KIAA0753: variants seen among roughly 807,000 people sequenced by gnomAD.
The protein encoded by KIAA0753 is KIAA0753, also known as protein moonraker.
KIAA0753 carries 114 observed loss-of-function variants against 116.9 expected under a neutral mutation model. That is an observed-to-expected ratio of 0.98 (90% CI 0.84 to 1.14). The LOEUF (loss-of-function observed/expected upper bound fraction) is 1.14, where lower values mean the gene tolerates loss of function less well. KIAA0753 is among the 50% of genes most tolerant of loss of function. KIAA0753 has a pLI of 0.00. For synonymous variants in KIAA0753, 405 were observed against 413.1 expected, an observed-to-expected ratio of 0.98 and a Z score of 0.24; for missense variants, 1,156 against 1,172.4, an observed-to-expected ratio of 0.99 and a Z score of 0.20.
chr17:6,621,771 T>C (rs1160198994), intron 6 of KIAA0753, among the ~76,000 whole-genome samples: 1 of 152,226 alleles, frequency 6.6e-6, no homozygotes, highest in Admixed American at 6.5e-5. Flanking sequence ...TCAGATCCTT[T>C]ATAGGATTAT....
chr17:6,609,114 T>C (rs1249924951), intron 9 of KIAA0753, among the ~76,000 whole-genome samples: 3 of 152,100 alleles, frequency 2.0e-5, no homozygotes, highest in African/African-American at 7.2e-5. Context: ...AAAATGAGAG[T>C]GGATGGATGA....
intron 7 of KIAA0753, among the ~76,000 whole-genome samples, chr17:6,615,398 T>C (rs1461134448): frequency 6.6e-6 from 1 of 152,112 alleles, no homozygotes; most frequent in East Asian, 1.9e-4. Flanking sequence ...ACAGTGATGC[T>C]GGCGATTCAG....
chr17:6,623,783 T>C (rs1971483173), intron 4 of KIAA0753: 3 of 494,466 alleles, frequency 6.1e-6, no homozygotes, highest in Non-Finnish European at 9.9e-6. Context: ...TCACCTTCCA[T>C]CCCTTCGTCC....
intron 12 of KIAA0753, chr17:6,601,151 G>A (rs1405218420): frequency 6.6e-6 from 1 of 152,310 alleles, no homozygotes; most frequent in East Asian, 1.9e-4. Context: ...GTACATCTAG[G>A]CCTGGGCTAA....
Position 6,595,202 on chromosome 17 carries a change from T to C in KIAA0753, c.2359-149A>G, listed in dbSNP as rs1230389329. The C allele has an allele frequency of 1.6e-5, 10 of 624,654 alleles. No homozygotes were observed. The African/African-American group carries it at 1.9e-4, about 12-fold the overall frequency. 38.7% of individuals were successfully genotyped at this position (624,654 alleles called of 1,614,324 possible). A position where few individuals can be genotyped will look rare whatever the true frequency, so the allele number is the denominator to read the frequency against. On this transcript the variant is annotated intron_variant, in intron 15 of 18. Transcript: ENST00000361413. The stretch of plus-strand genomic sequence containing the variant: ...ACCTGTCAGGCCAGGAAGTAATTAG[T>C]TCATGAGACGAAGTCTAAAATAAAA...
At chr17:6,627,917 C>T (rs554458366) in intron 3 of KIAA0753, among the ~76,000 whole-genome samples, 200 bp downstream of exon 3, 7 of 152,218 alleles carry the variant, frequency 4.6e-5, no homozygotes, top group East Asian at 1.9e-4. Context: ...CATGTCCCTC[C>T]GCTGGAAAGA....
chr17:6,621,785 G>A (rs527981591), intron 6 of KIAA0753, among the ~76,000 whole-genome samples: 2 of 152,186 alleles, frequency 1.3e-5, no homozygotes, highest in Non-Finnish European at 2.9e-5. Flanking sequence ...GGATTATGAA[G>A]ATGTGTACTC....
Position 6,635,059 on chromosome 17 carries a change from A to G in KIAA0753, c.45T>C (p.Pro15=), listed in dbSNP as rs1231514133. Residue 15 remains proline (P), a synonymous_variant, in exon 2 of 19, where the codon CCT becomes CCC. Transcript: ENST00000361413. ...QPASTCVHLA[P]RTQLDGRSDP... is the part of the protein sequence containing the mutation. ...CGCTCCTCCCATCAAGTTGGGTCCTAGGTGCTAGATGAACACAGGTTGAAG... is the reference window on the plus strand; with the variant it reads ...CGCTCCTCCCATCAAGTTGGGTCCTGGGTGCTAGATGAACACAGGTTGAAG... The G allele has an allele frequency of 5.6e-6, 9 of 1,613,892 alleles. No homozygotes were observed. Among genetic ancestry groups the G allele is most frequent in the Non-Finnish European group, 7.6e-6 (9 of 1,179,900 alleles).
intron 7 of KIAA0753, among the ~76,000 whole-genome samples, chr17:6,614,686 A>G (rs966734947): frequency 6.6e-6 from 1 of 152,192 alleles, no homozygotes; most frequent in African/African-American, 2.4e-5. Context: ...AAAAATACAA[A>G]AGGGGCCTCA....
rs777754234 is a variant in KIAA0753 at position 6,634,912 on chromosome 17, A to T, written c.93+99T>A. On this transcript the variant is annotated intron_variant, in intron 2 of 18. Coordinates refer to ENST00000361413, the MANE Select transcript of KIAA0753 (RefSeq NM_014804.3). ...CAGAAAAAATTGTTAGCAATTGCTG[A>T]ATCTAGGAGGTGATTTCAAAAGTGT... 3 of 753,378 alleles carry T rather than the reference A, an allele frequency of 4.0e-6. No homozygotes were observed. The South Asian group carries it at 5.2e-5, about 13-fold the overall frequency. The allele number at this position is 753,378 out of a possible 1,614,324, so 46.7% of individuals were successfully genotyped here.
chr17:6,579,715 T>G lies in KIAA0753; in HGVS notation c.*32A>C. On this transcript the variant is annotated 3_prime_UTR_variant, in exon 19 of 19. Coordinates refer to ENST00000361413, the MANE Select transcript of KIAA0753 (RefSeq NM_014804.3). ...AAGGGTGGTGCCATCCCTTCTCCAG[T>G]GTGACACAAATGGCCTCGCCTCAGA... The G allele has an allele frequency of 1.4e-6, 2 of 1,458,464 alleles. No individual in the cohort carries two copies. Among genetic ancestry groups the G allele is most frequent in the Non-Finnish European group, 9.6e-7 (1 of 1,040,132 alleles). 90.3% of individuals were successfully genotyped at this position (1,458,464 alleles called of 1,614,324 possible).
At chr17:6,590,387 T>C (rs569049063) in intron 17 of KIAA0753, 123 bp downstream of exon 17, 19 of 1,170,342 alleles carry the variant, frequency 1.6e-5, no homozygotes, top group African/African-American at 6.1e-5. Flanking sequence ...ATCTTGGAGT[T>C]TGGCAAGATC....
At chr17:6,601,907 T>C (rs1052134581) in intron 12 of KIAA0753, among the ~76,000 whole-genome samples, 32 of 152,284 alleles carry the variant, frequency 2.1e-4, no homozygotes, top group Middle Eastern at 3.4e-3. Context: ...GCTGCACACA[T>C]ATCTGGCAAG....
At chr17:6,636,244 G>A (rs976211526) in intron 1 of KIAA0753, 1 of 152,094 alleles carries the variant, frequency 6.6e-6, no homozygotes, top group African/African-American at 2.4e-5. Flanking sequence ...TTATTTCTAA[G>A]GCTGTAGCAC....
At chr17:6,597,688 G>A (rs1001837571) in intron 14 of KIAA0753, among the ~76,000 whole-genome samples, 8 of 152,292 alleles carry the variant, frequency 5.3e-5, no homozygotes, top group Middle Eastern at 3.4e-3. Context: ...AGACAGATAC[G>A]TTATAATGGT....
In KIAA0753 at chr17:6,623,464, T is replaced by C. The variant is rs1161612808; in HGVS notation, c.888+45A>G. 3 of 1,465,402 alleles carry C rather than the reference T, an allele frequency of 2.0e-6. No homozygotes were observed. The East Asian group carries it at 6.8e-5, about 33-fold the overall frequency. 90.8% of individuals were successfully genotyped at this position (1,465,402 alleles called of 1,614,324 possible). A position where few individuals can be genotyped will look rare whatever the true frequency, so the allele number is the denominator to read the frequency against. On this transcript the variant is annotated intron_variant, in intron 5 of 18. Transcript: ENST00000361413. Reference sequence around the variant, plus strand: ...ACAATACTAACAAAACACTGGGAAATGTCATTTATAAGCAAGTATTGATCA... The same window carrying C: ...ACAATACTAACAAAACACTGGGAAACGTCATTTATAAGCAAGTATTGATCA...
At position 6,621,065 on chromosome 17, in the gene KIAA0753, C is replaced by G. The variant is rs1040193953; in HGVS notation, c.1105-67G>C. 7.5e-6 allele frequency: 11 copies of G among 1,476,054 alleles called. No individual in the cohort carries two copies. The East Asian group carries it at 2.3e-4, about 31-fold the overall frequency. 91.4% of individuals were successfully genotyped at this position (1,476,054 alleles called of 1,614,324 possible). A position where few individuals can be genotyped will look rare whatever the true frequency, so the allele number is the denominator to read the frequency against. ...AAAAGTATGACTTTTAATCACAAAACTGAAAATAAGGACTCCAGGGAAATG... is the reference window on the plus strand; with the variant it reads ...AAAAGTATGACTTTTAATCACAAAAGTGAAAATAAGGACTCCAGGGAAATG... On this transcript the variant is annotated intron_variant, in intron 6 of 18. Coordinates refer to ENST00000361413, the MANE Select transcript of KIAA0753 (RefSeq NM_014804.3).
intron 2 of KIAA0753, among the ~76,000 whole-genome samples, chr17:6,634,018 T>C (rs540156153): frequency 1.3e-4 from 20 of 151,956 alleles, no homozygotes; most frequent in Admixed American, 4.6e-4. Context: ...GATGTACACA[T>C]TGCAATGTGT....
intron 3 of KIAA0753, among the ~76,000 whole-genome samples, chr17:6,627,368 C>A (rs1041176870): frequency 6.6e-6 from 1 of 152,078 alleles, no homozygotes; most frequent in Non-Finnish European, 1.5e-5. Context: ...GGTACATATG[C>A]ATATATTAAT....
Sources: gnomAD v4.1 joint callset for allele counts (sites outside exome capture counted in the v4.1 genomes callset) on GRCh38, gnomAD v4.1.1 for gene constraint, MANE v1.5 for transcripts, NCBI Gene and HGNC (gene_info 2026-07-23, HGNC 2026-07-21) for gene names.